PCDH7: variants seen among roughly 807,000 people sequenced by gnomAD.
PCDH7 encodes the protein protocadherin-7.
PCDH7 carries 17 observed loss-of-function variants against 58.9 expected under a neutral mutation model. The ratio of observed to expected loss-of-function variants is 0.29; its 90% CI spans 0.20 to 0.43. PCDH7 has a LOEUF of 0.43. Ranked by LOEUF, PCDH7 falls within the 20% of genes least tolerant of loss-of-function variation. The pLI, the probability that PCDH7 is intolerant of heterozygous loss-of-function variation, is 1.00. For missense variants in PCDH7, 1,274 were observed against 1,441.0 expected (o/e 0.88, Z 1.88); for synonymous variants, 664 against 616.4 (o/e 1.08, Z -1.14).
Position 30,722,542 on chromosome 4 carries a change from G to C in PCDH7, c.1120G>C (p.Asp374His). 1 of 1,612,242 alleles carries C rather than the reference G, an allele frequency of 6.2e-7. No individual in the cohort carries two copies. The highest frequency in any genetic ancestry group is 8.5e-7 in the Non-Finnish European group (1 of 1,179,834). ...CTGGCTCAGCGTCCTGCACCGGATC[G>C]ACCGCGAGGAGGTGAACCAGCTGCG... The change falls in exon 1 of 2, where the codon GAC (aspartate) becomes CAC (histidine). Residue 374 changes from aspartate to histidine, a missense_variant. Asp to His is a moderately conservative substitution (Grantham distance 81). Transcript: ENST00000361762. The surrounding 1 kb of genome is among the most constrained non-coding windows in gnomAD (Gnocchi z 7.6).
intron 1 of PCDH7, among the ~76,000 whole-genome samples, chr4:30,854,521 G>C (rs1367092638): frequency 6.6e-6 from 1 of 151,712 alleles, no homozygotes; most frequent in Non-Finnish European, 1.5e-5. Context: ...ATTTATAGTA[G>C]TTTTATTAAG....
At chr4:30,999,648 A>C (rs1752192913) in intron 3 of PCDH7, among the ~76,000 whole-genome samples, 1 of 152,138 alleles carries the variant, frequency 6.6e-6, no homozygotes, top group South Asian at 2.1e-4. Context: ...CAAACGATAC[A>C]TTACATTTTA....
At chr4:30,795,580 AAC>A (rs950236777) in intron 1 of PCDH7, among the ~76,000 whole-genome samples, 2 of 152,214 alleles carry the variant, frequency 1.3e-5, no homozygotes, top group Non-Finnish European at 2.9e-5. Context: ...ATTAAAAGCA[AAC>A]ACATATTTTC....
intron 1 of PCDH7, among the ~76,000 whole-genome samples, chr4:30,805,860 A>G (rs908736444): frequency 6.6e-6 from 1 of 152,202 alleles, no homozygotes; most frequent in Non-Finnish European, 1.5e-5. Context: ...CTTACAATAC[A>G]TTCTCCATGG....
chr4:31,108,833 A>G (rs1715929034), intron 3 of PCDH7, among the ~76,000 whole-genome samples: 1 of 152,204 alleles, frequency 6.6e-6, no homozygotes, highest in Non-Finnish European at 1.5e-5. Flanking sequence ...ATTGCTGTGC[A>G]ACAAACTACC....
chr4:30,960,145 G>GGAAT (rs1748263596), intron 3 of PCDH7, among the ~76,000 whole-genome samples: 1 of 117,864 alleles, frequency 8.5e-6, no homozygotes, highest in African/African-American at 3.4e-5. Flanking sequence ...AAGGAAGGAA[G>GGAAT]GAAGGAAGGG....
intron 1 of PCDH7, among the ~76,000 whole-genome samples, chr4:30,824,247 T>G (rs1015715325): frequency 6.6e-6 from 1 of 151,720 alleles, no homozygotes; most frequent in Admixed American, 6.6e-5. Context: ...TGACCTCATA[T>G]TTTCTGTAGT....
chr4:30,978,466 CT>C (rs1219595237), intron 3 of PCDH7, among the ~76,000 whole-genome samples: 2 of 152,128 alleles, frequency 1.3e-5, no homozygotes, highest in African/African-American at 4.8e-5. Flanking sequence ...AGTAAACATG[CT>C]TTTTTTAATA....
chr4:30,961,686 A>G (rs1293343968), intron 3 of PCDH7, among the ~76,000 whole-genome samples: 1 of 152,214 alleles, frequency 6.6e-6, no homozygotes, highest in Non-Finnish European at 1.5e-5. Context: ...TAAAAATGCA[A>G]TATTGGTGTT....
At chr4:30,797,122 G>A (rs546932191) in intron 1 of PCDH7, among the ~76,000 whole-genome samples, 36 of 151,768 alleles carry the variant, frequency 2.4e-4, no homozygotes, top group East Asian at 5.8e-4. Flanking sequence ...CACCACGCCC[G>A]GCTAATTTTT....
intron 1 of PCDH7, chr4:30,725,409 A>G (rs908101149): frequency 2.4e-5 from 8 of 334,436 alleles, no homozygotes; most frequent in Non-Finnish European, 3.4e-5. Context: ...GCATTATGAT[A>G]TATTGAGAAT....
At chr4:30,814,384 A>G (rs1727409547) in intron 1 of PCDH7, among the ~76,000 whole-genome samples, 1 of 152,116 alleles carries the variant, frequency 6.6e-6, no homozygotes, top group South Asian at 2.1e-4. Flanking sequence ...TCAATTCGTC[A>G]TATGAATTTC....
At chr4:31,027,835 A>C (rs1184380729) in intron 3 of PCDH7, among the ~76,000 whole-genome samples, 2 of 152,206 alleles carry the variant, frequency 1.3e-5, no homozygotes, top group Non-Finnish European at 2.9e-5. Context: ...GTTCCCTTGA[A>C]ATTACTGTGT....
intron 3 of PCDH7, among the ~76,000 whole-genome samples, chr4:31,019,171 G>T (rs1159088674): frequency 2.0e-5 from 3 of 148,306 alleles, no homozygotes; most frequent in Non-Finnish European, 4.5e-5. Flanking sequence ...TAACTGCAAA[G>T]AAAAAAAAAG....
chr4:31,010,230 C>G (rs1430687264), intron 3 of PCDH7, among the ~76,000 whole-genome samples: 1 of 151,860 alleles, frequency 6.6e-6, no homozygotes, highest in Non-Finnish European at 1.5e-5. Context: ...GCTTCTCAAA[C>G]CAACCACTCT....
chr4:31,028,949 G>A (rs994717873), intron 3 of PCDH7, among the ~76,000 whole-genome samples: 1 of 152,180 alleles, frequency 6.6e-6, no homozygotes, highest in Non-Finnish European at 1.5e-5. Context: ...GATATATTTT[G>A]ATGATTGACT....
At chr4:30,930,141 TGC>T (rs1278811421) in intron 2 of PCDH7, among the ~76,000 whole-genome samples, 3 of 152,184 alleles carry the variant, frequency 2.0e-5, no homozygotes, top group Admixed American at 6.5e-5. Flanking sequence ...ACTGATTATA[TGC>T]TACAAGAAGT....
intron 1 of PCDH7, among the ~76,000 whole-genome samples, chr4:30,877,963 T>C (rs1736494136): frequency 6.6e-6 from 1 of 152,114 alleles, no homozygotes; most frequent in South Asian, 2.1e-4. Context: ...AATAACTCAC[T>C]ATGAGAAAAA....
intron 2 of PCDH7, among the ~76,000 whole-genome samples, chr4:30,926,190 G>GTT (rs10706040): frequency 3.4e-5 from 5 of 145,034 alleles, no homozygotes. Context: ...ACTTTAGGTC[G>GTT]TTTTTTTTTT....
Sources: allele counts gnomAD v4.1 joint callset (sites outside exome capture counted in the v4.1 genomes callset), GRCh38; gene constraint gnomAD v4.1.1; non-coding constraint Gnocchi (gnomAD v3.1); transcripts MANE v1.5; gene names NCBI Gene and HGNC (gene_info 2026-07-23, HGNC 2026-07-21).